Variants in LOXHD1 observed in about 807,000 individuals in gnomAD.
LOXHD1 encodes lipoxygenase homology domain-containing protein 1.
In LOXHD1, 205 loss-of-function variants were observed where a neutral mutation model predicts 248.2. The observed-to-expected ratio is 0.83, with a 90% CI of 0.74 to 0.93. LOXHD1 has a LOEUF of 0.93. LOXHD1 is among the 40% of genes least tolerant of loss of function. The pLI is 0.00. For missense variants in LOXHD1, 2,930 were observed against 2,971.6 expected, an observed-to-expected ratio of 0.99 and a Z score of 0.33; for synonymous variants, 1,113 against 1,162.8, an observed-to-expected ratio of 0.96 and a Z score of 0.87.
Position 46,649,155 on chromosome 18 carries a change from T to C in LOXHD1, c.245A>G (p.Lys82Arg). Residue 82 changes from lysine to arginine, a missense_variant and splice_region_variant, in exon 2 of 41, where the codon AAG becomes AGG. Physicochemically the swap from Lys to Arg is conservative, Grantham distance 26. Coordinates refer to ENST00000642948, the MANE Select transcript of LOXHD1 (RefSeq NM_001384474.1). ...CCACCAAGGCCAAGTGGGTACTCAC[T>C]TGCTGGTGAGCTGGAGCTTGGGAGA... ...GLSPKLQLTS[K>R]SKSAFEKGNV... is the part of the protein sequence containing the mutation. 6.4e-7 allele frequency: 1 copy of C among 1,551,544 alleles called. No homozygotes were observed. The highest frequency in any genetic ancestry group is 8.7e-7 in the Non-Finnish European group (1 of 1,146,828).
chr18:46,495,654 A>G (rs569874545), intron 37 of LOXHD1, among the ~76,000 whole-genome samples: 1 of 152,350 alleles, frequency 6.6e-6, no homozygotes, highest in Non-Finnish European at 1.5e-5. Flanking sequence ...CTCAGTATAC[A>G]GTACTAAGGA....
intron 14 of LOXHD1, among the ~76,000 whole-genome samples, chr18:46,572,794 C>T (rs368392878): frequency 3.9e-5 from 6 of 151,990 alleles, no homozygotes; most frequent in South Asian, 2.1e-4. Flanking sequence ...ATAGGCCAGG[C>T]GGGTGGATCA....
intron 37 of LOXHD1, among the ~76,000 whole-genome samples, chr18:46,503,591 G>T (rs2034372196): frequency 6.6e-6 from 1 of 152,236 alleles, no homozygotes; most frequent in Non-Finnish European, 1.5e-5. Context: ...AATGGATGAT[G>T]AGATGGAGGG....
chr18:46,480,580 C>A (rs2032475818), intron 40 of LOXHD1, among the ~76,000 whole-genome samples: 1 of 151,996 alleles, frequency 6.6e-6, no homozygotes, highest in African/African-American at 2.4e-5. Context: ...AAATGTGGGC[C>A]CTGCAGACTT....
chr18:46,504,010 T>C (rs1028551391), intron 37 of LOXHD1, among the ~76,000 whole-genome samples: 2 of 131,682 alleles, frequency 1.5e-5, no homozygotes, highest in African/African-American at 5.0e-5. Context: ...GAGTAAGACA[T>C]TCAAACCTCA....
chr18:46,551,091 C>A (rs578182003), intron 21 of LOXHD1, among the ~76,000 whole-genome samples: 1 of 148,048 alleles, frequency 6.8e-6, no homozygotes, highest in South Asian at 2.1e-4. Context: ...TCCTAAATTT[C>A]TTTTCTTTTC....
intron 34 of LOXHD1, among the ~76,000 whole-genome samples, chr18:46,511,775 T>C (rs1339543619): frequency 2.0e-5 from 3 of 152,346 alleles, no homozygotes; most frequent in Non-Finnish European, 4.4e-5. Context: ...GCAGTTTGTC[T>C]TTGTGACATC....
At chr18:46,547,576 T>C (rs1442776069) in intron 21 of LOXHD1, among the ~76,000 whole-genome samples, 2 of 150,852 alleles carry the variant, frequency 1.3e-5, no homozygotes, top group African/African-American at 4.9e-5. Context: ...GAAAGGGAGG[T>C]CCAAGTCAGA....
At chr18:46,596,179 T>C (rs1252717936) in intron 8 of LOXHD1, among the ~76,000 whole-genome samples, 2 of 150,852 alleles carry the variant, frequency 1.3e-5, no homozygotes, top group Non-Finnish European at 3.0e-5. Flanking sequence ...AATAATTTAG[T>C]GTAATTCATA....
chr18:46,486,718 C>T (rs1406585648), intron 38 of LOXHD1, among the ~76,000 whole-genome samples: 1 of 152,078 alleles, frequency 6.6e-6, no homozygotes, highest in Admixed American at 6.5e-5. Context: ...GCACTGGGAA[C>T]CTGCATATCA....
At chr18:46,604,694 A>T (rs2038387314) in intron 6 of LOXHD1, among the ~76,000 whole-genome samples, 1 of 152,174 alleles carries the variant, frequency 6.6e-6, no homozygotes, top group Non-Finnish European at 1.5e-5. Flanking sequence ...GGATCTTGTG[A>T]TCAGGTCAGA....
chr18:46,637,205 C>G lies in LOXHD1; in HGVS notation c.511+2411G>C, dbSNP rs531794103. 6.3e-4 allele frequency among the ~76,000 whole-genome samples: 96 copies of G among 152,272 alleles called. 2 individuals carry two copies. Among genetic ancestry groups the G allele is most frequent in the Non-Finnish European group, 6.0e-4 (41 of 68,038 alleles). On this transcript the variant is annotated intron_variant, in intron 4 of 40. Transcript: ENST00000642948. ...AAAAAACCATTGGAATATTTGAACC[C>G]CTTTTTCATTCCATTCTCTGGAATC...
intron 14 of LOXHD1, among the ~76,000 whole-genome samples, chr18:46,574,166 C>A (rs1846491449): frequency 6.6e-6 from 1 of 152,096 alleles, no homozygotes; most frequent in African/African-American, 2.4e-5. Context: ...CTTATCCACC[C>A]CCAGGCCCTC....
chr18:46,577,514 C>T (rs767746721), intron 14 of LOXHD1, among the ~76,000 whole-genome samples, 193 bp downstream of exon 14: 5 of 151,824 alleles, frequency 3.3e-5, no homozygotes, highest in Admixed American at 2.0e-4. Context: ...GTGTTCATCA[C>T]GGTGGTAGGG....
intron 7 of LOXHD1, among the ~76,000 whole-genome samples, chr18:46,603,214 GAA>G (rs776683272): frequency 6.6e-6 from 1 of 152,116 alleles, no homozygotes; most frequent in South Asian, 2.1e-4. Flanking sequence ...AGAAAGAAGA[GAA>G]AAGACTTTTC....
At chr18:46,484,990 A>T (rs1352750767) in intron 39 of LOXHD1, 29 bp downstream of exon 39, 2 of 1,172,354 alleles carry the variant, frequency 1.7e-6, no homozygotes, top group African/African-American at 1.5e-5. Context: ...CCCACCCCCC[A>T]CCACTTCCCA....
chr18:46,477,497 C>T lies in LOXHD1; in HGVS notation c.6797G>A (p.Trp2266Ter). 2 of 1,550,256 alleles carry T rather than the reference C, an allele frequency of 1.3e-6. No individual in the cohort carries two copies. Among genetic ancestry groups the T allele is most frequent in the Non-Finnish European group, 1.7e-6 (2 of 1,146,794 alleles). Residue 2266 changes from tryptophan (W) to a stop codon, truncating the protein, a stop_gained, in exon 41 of 41, where the codon TGG becomes TAG. Transcript: ENST00000642948. LOFTEE classifies it high-confidence loss of function. ...LDKKRGDGLT[W>*]RDLFPSV Reference sequence around the variant, plus strand: ...TCAGACAGAAGGGAAGAGGTCTCTCCAGGTGAGTCCATCCCCCCGCTTCTT... The same window carrying T: ...TCAGACAGAAGGGAAGAGGTCTCTCTAGGTGAGTCCATCCCCCCGCTTCTT...
At chr18:46,541,304 G>A (rs192550569) in intron 25 of LOXHD1, among the ~76,000 whole-genome samples, 91 of 152,182 alleles carry the variant, frequency 6.0e-4, no homozygotes, top group Admixed American at 2.0e-3. Context: ...CATAAGTGAG[G>A]GCCCTTTCAA....
At chr18:46,655,205 T>C (rs1444169270) in intron 1 of LOXHD1, among the ~76,000 whole-genome samples, 1 of 152,214 alleles carries the variant, frequency 6.6e-6, no homozygotes, top group Non-Finnish European at 1.5e-5. Context: ...TTGTCCATCC[T>C]GTTTGTGACC....
Sources: allele counts gnomAD v4.1 joint callset (sites outside exome capture counted in the v4.1 genomes callset), GRCh38; gene constraint gnomAD v4.1.1; transcripts MANE v1.5; gene names NCBI Gene and HGNC (gene_info 2026-07-23, HGNC 2026-07-21).